INPP5A: variants seen among roughly 807,000 people sequenced by gnomAD.
INPP5A encodes the protein inositol polyphosphate-5-phosphatase A.
Under a neutral mutation model 65.2 loss-of-function variants are expected in INPP5A, and 14 were observed. That is an observed-to-expected ratio of 0.21 (90% CI 0.14 to 0.34). INPP5A has a LOEUF of 0.34. Ranked by LOEUF, INPP5A falls within the 10% of genes least tolerant of loss-of-function variation. The probability of loss-of-function intolerance (pLI) is 1.00; values close to 1 mark genes in which losing one functional copy is unlikely to be tolerated. For synonymous variants in INPP5A, 207 were observed against 208.3 expected, an observed-to-expected ratio of 0.99 and a Z score of 0.05; for missense variants, 431 against 545.6, an observed-to-expected ratio of 0.79 and a Z score of 2.09.
intron 4 of INPP5A, among the ~76,000 whole-genome samples, chr10:132,662,810 A>G (rs1052665038): frequency 2.6e-5 from 4 of 152,136 alleles, no homozygotes; most frequent in African/African-American, 9.7e-5. Context: ...ATCCAGAGCC[A>G]AGTGTAAATT....
chr10:132,546,948 T>G lies in INPP5A; in HGVS notation c.75+8777T>G, dbSNP rs990502156. ...AGGCCTGGCCCTGGTTAGCAGGCTG[T>G]GTCATCTGCCGCAGACAGCCTTCCT... On this transcript the variant is annotated intron_variant, in intron 1 of 15. Coordinates refer to ENST00000368594, the MANE Select transcript of INPP5A (RefSeq NM_005539.5). This position sits in a 1 kb window ranked among gnomAD's most constrained non-coding sequence, Gnocchi z 5.7. 6.6e-6 allele frequency among the ~76,000 whole-genome samples: 1 copy of G among 152,224 alleles called. No homozygotes were observed. The highest frequency in any genetic ancestry group is 1.5e-5 in the Non-Finnish European group (1 of 68,040).
At chr10:132,736,532 G>A (rs529158710) in intron 9 of INPP5A, among the ~76,000 whole-genome samples, 17 of 152,316 alleles carry the variant, frequency 1.1e-4, no homozygotes, top group East Asian at 7.7e-4. Context: ...GAGACACCCC[G>A]AGAGCCGGGC....
intron 4 of INPP5A, among the ~76,000 whole-genome samples, chr10:132,688,702 CAA>C (rs1564965313): frequency 1.4e-5 from 2 of 144,752 alleles, no homozygotes; most frequent in African/African-American, 2.7e-5. Context: ...CATGTGTGTG[CAA>C]GTGTGAACAA....
Position 132,551,323 on chromosome 10 carries a change from T to C in INPP5A, c.75+13152T>C, listed in dbSNP as rs894056638. ...GAAGCTGAGAACTGGGTTGACTGCC[T>C]GCTGCTTTGTTTCTTGCAAAGAGTG... is the stretch of plus-strand genomic sequence containing the variant. On this transcript the variant is annotated intron_variant, in intron 1 of 15. Coordinates refer to ENST00000368594, the MANE Select transcript of INPP5A (RefSeq NM_005539.5). This position sits in a 1 kb window ranked among gnomAD's most constrained non-coding sequence, Gnocchi z 5.3. Among the ~76,000 whole-genome samples the C allele has an allele frequency of 1.3e-5, 2 of 152,200 alleles. No individual in the cohort carries two copies. Among genetic ancestry groups the C allele is most frequent in the Non-Finnish European group, 2.9e-5 (2 of 68,026 alleles).
chr10:132,590,061 C>T (rs75904369), intron 1 of INPP5A, among the ~76,000 whole-genome samples: 7 of 152,350 alleles, frequency 4.6e-5, no homozygotes, highest in African/African-American at 1.2e-4. Flanking sequence ...GAAAAGGACA[C>T]GGTCTACAAG....
chr10:132,629,580 G>A (rs1173665174), intron 2 of INPP5A, among the ~76,000 whole-genome samples: 1 of 152,260 alleles, frequency 6.6e-6, no homozygotes, highest in African/African-American at 2.4e-5. Flanking sequence ...TGTGGCTCCA[G>A]GGTTGGTGCT....
chr10:132,731,656 T>A (rs1846088464), intron 9 of INPP5A, among the ~76,000 whole-genome samples: 1 of 152,218 alleles, frequency 6.6e-6, no homozygotes, highest in South Asian at 2.1e-4. Flanking sequence ...CCGTTGCATC[T>A]GCTGGGAGTG....
intron 12 of INPP5A, among the ~76,000 whole-genome samples, chr10:132,773,132 C>T (rs760897936): frequency 6.6e-6 from 1 of 152,218 alleles, no homozygotes; most frequent in African/African-American, 2.4e-5. Context: ...CTGGTGAACA[C>T]CCATGTCCCG....
intron 9 of INPP5A, among the ~76,000 whole-genome samples, chr10:132,748,510 G>A (rs1355238372): frequency 6.6e-6 from 1 of 152,224 alleles, no homozygotes; most frequent in South Asian, 2.1e-4. Flanking sequence ...GGGGCCAGGG[G>A]CTCCCCGTGG....
chr10:132,763,748 C>T (rs1473944210), intron 11 of INPP5A, among the ~76,000 whole-genome samples: 1 of 151,602 alleles, frequency 6.6e-6, no homozygotes, highest in Non-Finnish European at 1.5e-5. Context: ...CACATGCCTG[C>T]ATACAAACAC....
chr10:132,675,573 C>T lies in INPP5A; in HGVS notation c.307-14819C>T, dbSNP rs778028264. On this transcript the variant is annotated intron_variant, in intron 4 of 15. Coordinates refer to ENST00000368594, the MANE Select transcript of INPP5A (RefSeq NM_005539.5). The surrounding 1 kb of genome is among the most constrained non-coding windows in gnomAD (Gnocchi z 4.2). The stretch of plus-strand genomic sequence containing the variant: ...GCGTGTGGAGTGAGCGTTCCAGGGG[C>T]CTTGCCGTGCCCGGGAGAGTGAGGG... Among the ~76,000 whole-genome samples, 4 of 152,082 alleles carry T rather than the reference C, an allele frequency of 2.6e-5. No individual in the cohort carries two copies. The highest frequency in any genetic ancestry group is 7.3e-5 in the African/African-American group (3 of 41,362).
chr10:132,690,653 G>A (rs1040851117), intron 5 of INPP5A, among the ~76,000 whole-genome samples, 198 bp downstream of exon 5: 37 of 152,274 alleles, frequency 2.4e-4, no homozygotes, highest in African/African-American at 8.4e-4. Flanking sequence ...CTGGCTCCCT[G>A]GCAAGGCTCT....
intron 11 of INPP5A, among the ~76,000 whole-genome samples, chr10:132,756,417 C>T (rs748134583): frequency 8.1e-4 from 124 of 152,156 alleles, no homozygotes; most frequent in Admixed American, 1.9e-3. Flanking sequence ...TGTGTGTGTG[C>T]GTGTGTGTAT....
intron 11 of INPP5A, 32 bp downstream of exon 11, chr10:132,749,877 C>T (rs751870133): frequency 1.1e-5 from 18 of 1,585,786 alleles, no homozygotes; most frequent in African/African-American, 6.7e-5. Flanking sequence ...GCAGCTCCCC[C>T]GTCCTGGGAC....
intron 1 of INPP5A, among the ~76,000 whole-genome samples, chr10:132,574,316 T>A (rs28582858): frequency 9.2e-6 from 1 of 109,124 alleles, no homozygotes; most frequent in African/African-American, 3.7e-5. Flanking sequence ...AGATTTTGGG[T>A]TGTACGTGCC....
chr10:132,772,627 C>A (rs2997645), intron 12 of INPP5A, among the ~76,000 whole-genome samples: 15 of 50,728 alleles, frequency 3.0e-4, no homozygotes, highest in East Asian at 2.8e-3. Flanking sequence ...AGCCACCCCA[C>A]GAAGAGTGGG....
chr10:132,598,307 A>C (rs1303523198), intron 1 of INPP5A, among the ~76,000 whole-genome samples: 1 of 152,220 alleles, frequency 6.6e-6, no homozygotes, highest in Non-Finnish European at 1.5e-5. Context: ...CATGAAATGC[A>C]TTCATAATGT....
chr10:132,725,206 G>C (rs1055337509), intron 8 of INPP5A, among the ~76,000 whole-genome samples: 3 of 152,258 alleles, frequency 2.0e-5, no homozygotes, highest in Admixed American at 1.3e-4. Flanking sequence ...TTGAGGGTGT[G>C]CAAGTTAAGA....
In INPP5A at chr10:132,603,302, A is replaced by G. The variant is rs1345876441; in HGVS notation, c.76-4613A>G. Among the ~76,000 whole-genome samples the G allele has an allele frequency of 6.6e-6, 1 of 152,222 alleles. No homozygotes were observed. Among genetic ancestry groups the G allele is most frequent in the East Asian group, 1.9e-4 (1 of 5,196 alleles). On this transcript the variant is annotated intron_variant, in intron 1 of 15. Coordinates refer to ENST00000368594, the MANE Select transcript of INPP5A (RefSeq NM_005539.5). This position sits in a 1 kb window ranked among gnomAD's most constrained non-coding sequence, Gnocchi z 4.2. Reference sequence around the variant, plus strand: ...CAGTTTTTTAGTACTTCTCACTAAAATGGAATCATTTTATAAGGTCTGTTT... The same window carrying G: ...CAGTTTTTTAGTACTTCTCACTAAAGTGGAATCATTTTATAAGGTCTGTTT...
Sources: gnomAD v4.1 joint callset for allele counts (sites outside exome capture counted in the v4.1 genomes callset) on GRCh38, gnomAD v4.1.1 for gene constraint, Gnocchi (gnomAD v3.1) non-coding constraint, MANE v1.5 for transcripts, NCBI Gene and HGNC (gene_info 2026-07-23, HGNC 2026-07-21) for gene names.